The following FGR variants were observed in gnomAD, a reference collection of about 807,000 sequenced individuals.
The protein encoded by FGR is FGR proto-oncogene, Src family tyrosine kinase, also known as tyrosine-protein kinase Fgr.
A neutral mutation model predicts 63.2 loss-of-function variants in FGR; 26 were observed. The observed-to-expected ratio is 0.41, with a 90% CI of 0.30 to 0.57. The LOEUF (loss-of-function observed/expected upper bound fraction) is 0.57. FGR is among the 20% of genes least tolerant of loss of function. The pLI, the probability that FGR is intolerant of heterozygous loss-of-function variation, is 0.27. For missense variants in FGR, 511 were observed against 690.8 expected (o/e 0.74, Z 2.92); for synonymous variants, 286 against 277.7 (o/e 1.03, Z -0.30).
chr1:27,624,922 G>A (rs72655015), intron 2 of FGR, among the ~76,000 whole-genome samples, 167 bp downstream of exon 2: 7 of 152,192 alleles, frequency 4.6e-5, no homozygotes, highest in East Asian at 1.9e-4. Flanking sequence ...ATTTCCTGTC[G>A]TGGGTCCAGC....
Position 27,615,910 on chromosome 1 carries a change from A to C in FGR, c.683-66T>G. The stretch of plus-strand genomic sequence containing the variant: ...GACACCCCCCTCCACTCCTTATCCT[A>C]TCCCAGCCTGGTGCCAGACCCTAAG... On this transcript the variant is annotated intron_variant, in intron 7 of 12. Coordinates refer to ENST00000374005, the MANE Select transcript of FGR (RefSeq NM_005248.3). The surrounding 1 kb of genome is among the most constrained non-coding windows in gnomAD (Gnocchi z 7.6). 6.9e-7 allele frequency: 1 copy of C among 1,454,876 alleles called. No individual in the cohort carries two copies. Among genetic ancestry groups the C allele is most frequent in the Non-Finnish European group, 9.2e-7 (1 of 1,086,628 alleles). 90.1% of individuals were successfully genotyped at this position (1,454,876 alleles called of 1,614,324 possible).
chr1:27,632,947 C>T (rs1220894314), intron 1 of FGR, among the ~76,000 whole-genome samples: 2 of 152,178 alleles, frequency 1.3e-5, no homozygotes, highest in Non-Finnish European at 2.9e-5. Context: ...GTTCCCTACC[C>T]AGCCTCCTGA....
intron 10 of FGR, 110 bp downstream of exon 10, chr1:27,614,740 C>G: frequency 7.5e-7 from 1 of 1,329,132 alleles, no homozygotes; most frequent in Non-Finnish European, 1.1e-6. Flanking sequence ...GCTGGAGGCA[C>G]AGCTGATGCA....
rs2089957267 is a variant in FGR, at chr1:27,622,925, T to C, written c.329+117A>G. The C allele has an allele frequency of 7.0e-6, 5 of 715,516 alleles. No homozygotes were observed. In the Admixed American group the frequency reaches 1.0e-4, roughly 15 times the overall value. The allele number at this position is 715,516 out of a possible 1,614,324, so 44.3% of individuals were successfully genotyped here. A position where few individuals can be genotyped will look rare whatever the true frequency, so the allele number is the denominator to read the frequency against. ...CAGTCACCCAGGGTTTTTATTGTTA[T>C]GTATATGTGTTCCCAACTAGGCTGG... On this transcript the variant is annotated intron_variant, in intron 4 of 12. Transcript: ENST00000374005.
rs1474528787 is a variant in FGR, at chr1:27,615,663, C to T, written c.838+26G>A. The T allele has an allele frequency of 1.3e-6, 2 of 1,592,276 alleles. No individual in the cohort carries two copies. The highest frequency in any genetic ancestry group is 1.7e-6 in the Non-Finnish European group (2 of 1,163,578). ...ACCCTCTCCCCCGAGCCCAGGCCCT[C>T]GTCCCGGCCCCCGGGAGCTCCGTAC... is the stretch of plus-strand genomic sequence containing the variant. On this transcript the variant is annotated intron_variant, in intron 8 of 12. Coordinates refer to ENST00000374005, the MANE Select transcript of FGR (RefSeq NM_005248.3). The surrounding 1 kb of genome is among the most constrained non-coding windows in gnomAD (Gnocchi z 7.6).
At chr1:27,624,430 G>C (rs2089985399) in intron 2 of FGR, among the ~76,000 whole-genome samples, 1 of 152,126 alleles carries the variant, frequency 6.6e-6, no homozygotes. Flanking sequence ...TAGAGACAAG[G>C]TCTTGCTATA....
In FGR at chr1:27,614,854, G is replaced by A; in HGVS notation, c.1091C>T (p.Ala364Val). The change falls in exon 10 of 13, where the codon GCC becomes GTC. Residue 364 changes from alanine to valine, a missense_variant. Transcript: ENST00000374005. ...AAAGGCTGCTGGCCCAGTTACCTGG[G>A]CTGCCATGTCCACCAATTGGGGCAG... ...LRLPQLVDMA[A>V]QVAEGMAYME... 4 of 1,588,738 alleles carry A rather than the reference G, an allele frequency of 2.5e-6. No homozygotes were observed. The highest frequency in any genetic ancestry group is 3.4e-6 in the Non-Finnish European group (4 of 1,165,828).
intron 1 of FGR, among the ~76,000 whole-genome samples, chr1:27,629,994 G>C (rs1403879650): frequency 2.0e-5 from 3 of 152,178 alleles, no homozygotes; most frequent in African/African-American, 7.2e-5. Context: ...TGCAGCCCAG[G>C]ACAGCTTTGA....
At chr1:27,632,628 G>A (rs1341533319) in intron 1 of FGR, among the ~76,000 whole-genome samples, 1 of 152,104 alleles carries the variant, frequency 6.6e-6, no homozygotes, top group African/African-American at 2.4e-5. Flanking sequence ...CACTTCTTGT[G>A]GGTAAAAGTG....
chr1:27,622,263 C>T (rs1411032806), intron 4 of FGR, among the ~76,000 whole-genome samples: 9 of 135,438 alleles, frequency 6.6e-5, no homozygotes, highest in Middle Eastern at 3.8e-3. Flanking sequence ...CACTCCAGCC[C>T]GGGAGACAGA....
chr1:27,613,045 G>C lies in FGR; in HGVS notation c.1459C>G (p.Leu487Val). The change falls in exon 13 of 13, where the codon CTG becomes GTG. Residue 487 changes from leucine to valine, a missense_variant. By Grantham distance (32) the Leu-to-Val change is conservative. Coordinates refer to ENST00000374005, the MANE Select transcript of FGR (RefSeq NM_005248.3). ...CAGGTCTGTTCCATGGCCTCGTACA[G>C]GGATGCTGGGCAGCCTGGAGGGCAC... ...MPCPPGCPAS[L>V]YEAMEQTWRL... The C allele has an allele frequency of 6.2e-7, 1 of 1,614,220 alleles. No homozygotes were observed. Among genetic ancestry groups the C allele is most frequent in the Non-Finnish European group, 8.5e-7 (1 of 1,180,030 alleles).
chr1:27,622,288 C>CAAA (rs1210861502), intron 4 of FGR, among the ~76,000 whole-genome samples: 19 of 42,168 alleles, frequency 4.5e-4, no homozygotes, highest in African/African-American at 1.2e-3. Flanking sequence ...GACTCCAACT[C>CAAA]AAAAAAAAAA....
At chr1:27,622,307 A>C (rs910439436) in intron 4 of FGR, among the ~76,000 whole-genome samples, 54 of 150,490 alleles carry the variant, frequency 3.6e-4, no homozygotes, top group Non-Finnish European at 6.2e-4. Context: ...AAAAAAAAAA[A>C]AGCCTGGCAG....
intron 10 of FGR, 22 bp from the exon 11 acceptor site, chr1:27,614,605 A>T (rs763741782): frequency 6.2e-7 from 1 of 1,611,936 alleles, no homozygotes; most frequent in Admixed American, 1.7e-5. Context: ...TAGTGTGGAG[A>T]GATGGGAGCT....
rs2089793195 is a variant in FGR, at chr1:27,615,645, C to T, written c.839-32G>A. The T allele has an allele frequency of 6.3e-7, 1 of 1,594,916 alleles. No homozygotes were observed. Among genetic ancestry groups the T allele is most frequent in the Non-Finnish European group, 8.6e-7 (1 of 1,164,926 alleles). ...GGAGGCTGTCTTGTCAGGACCCTCT[C>T]CCCCGAGCCCAGGCCCTCGTCCCGG... is the stretch of plus-strand genomic sequence containing the variant. On this transcript the variant is annotated intron_variant, in intron 8 of 12. Coordinates refer to ENST00000374005, the MANE Select transcript of FGR (RefSeq NM_005248.3). The surrounding 1 kb of genome is among the most constrained non-coding windows in gnomAD (Gnocchi z 7.6).
intron 9 of FGR, 40 bp from the exon 10 acceptor site, chr1:27,614,966 C>A (rs1350180844): frequency 3.3e-6 from 5 of 1,524,868 alleles, no homozygotes; most frequent in Admixed American, 1.9e-5. Flanking sequence ...AGCCCTACCC[C>A]GGGCCCCAGC....
intron 1 of FGR, among the ~76,000 whole-genome samples, chr1:27,628,187 AAAAAAAAACC>A (rs2090052648): frequency 1.4e-5 from 2 of 142,440 alleles, no homozygotes; most frequent in Non-Finnish European, 3.0e-5. Context: ...AAAAAAAAAC[AAAAAAAAACC>A]AAAAAAACTC....
rs975592161 is a variant in FGR, at chr1:27,617,801, C to T, written c.429-505G>A. On this transcript the variant is annotated intron_variant, in intron 5 of 12. Coordinates refer to ENST00000374005, the MANE Select transcript of FGR (RefSeq NM_005248.3). The surrounding 1 kb of genome is among the most constrained non-coding windows in gnomAD (Gnocchi z 4.5). ...TTTGGCCTCCAGAGCAGCACAGTCT[C>T]CTGCTTCTCTTCTCTCTGGCTGCTC... 2.6e-5 allele frequency among the ~76,000 whole-genome samples: 4 copies of T among 152,220 alleles called. No homozygotes were observed. The highest frequency in any genetic ancestry group is 2.6e-4 in the Admixed American group (4 of 15,280).
At chr1:27,626,054 C>T in intron 1 of FGR, 1 of 398,858 alleles carries the variant, frequency 2.5e-6, no homozygotes, top group East Asian at 3.6e-5. Context: ...ACCTCCGGAG[C>T]TCTCCTCCTA....
Sources: allele counts gnomAD v4.1 joint callset (sites outside exome capture counted in the v4.1 genomes callset), GRCh38; gene constraint gnomAD v4.1.1; non-coding constraint Gnocchi (gnomAD v3.1); transcripts MANE v1.5; gene names NCBI Gene and HGNC (gene_info 2026-07-23, HGNC 2026-07-21).